The following PPP3R1 variants were observed in gnomAD, a reference collection of about 807,000 sequenced individuals.
PPP3R1 encodes the protein calcineurin subunit B type 1.
A neutral mutation model predicts 22.6 loss-of-function variants in PPP3R1; 5 were observed. The ratio of observed to expected loss-of-function variants is 0.22; its 90% CI spans 0.12 to 0.46. The LOEUF is 0.46. Ranked by LOEUF, PPP3R1 falls within the 20% of genes least tolerant of loss-of-function variation. PPP3R1 has a pLI of 0.99. For synonymous variants in PPP3R1, 56 were observed against 65.2 expected (o/e 0.86, Z 0.68); for missense variants, 61 against 203.2 (o/e 0.30, Z 4.25).
At chr2:68,183,279 G>A (rs907527815) in intron 5 of PPP3R1, among the ~76,000 whole-genome samples, 5 of 152,188 alleles carry the variant, frequency 3.3e-5, no homozygotes, top group African/African-American at 9.7e-5. Context: ...TTCCCACACT[G>A]CTACTAAGAA....
At chr2:68,240,089 T>C (rs995719166) in intron 1 of PPP3R1, among the ~76,000 whole-genome samples, 2 of 152,196 alleles carry the variant, frequency 1.3e-5, no homozygotes, top group African/African-American at 4.8e-5. Context: ...TTCAACGCAT[T>C]TTCAACTTAC....
intron 1 of PPP3R1, among the ~76,000 whole-genome samples, chr2:68,235,376 C>T (rs1307625439): frequency 2.0e-5 from 3 of 152,170 alleles, no homozygotes; most frequent in African/African-American, 7.2e-5. Flanking sequence ...CCAACTCCCC[C>T]TCAGGCCAGC....
At chr2:68,218,854 G>A (rs1669630698) in intron 1 of PPP3R1, among the ~76,000 whole-genome samples, 2 of 151,858 alleles carry the variant, frequency 1.3e-5, no homozygotes, top group African/African-American at 4.8e-5. Flanking sequence ...CCTTTACAGT[G>A]TTATCAATTC....
chr2:68,222,897 TAAG>T (rs1413191388), intron 1 of PPP3R1, among the ~76,000 whole-genome samples: 1 of 152,100 alleles, frequency 6.6e-6, no homozygotes, highest in African/African-American at 2.4e-5. Flanking sequence ...AAGTAAATAG[TAAG>T]AAGGCAGATT....
chr2:68,235,551 T>C (rs1318003162), intron 1 of PPP3R1, among the ~76,000 whole-genome samples: 1 of 152,230 alleles, frequency 6.6e-6, no homozygotes, highest in Non-Finnish European at 1.5e-5. Flanking sequence ...CACTTCTTTT[T>C]ACTAATGAAC....
At chr2:68,235,803 A>G (rs545988782) in intron 1 of PPP3R1, among the ~76,000 whole-genome samples, 1 of 152,334 alleles carries the variant, frequency 6.6e-6, no homozygotes, top group South Asian at 2.1e-4. Flanking sequence ...AAACATTTAC[A>G]TTCCCACCAG....
intron 2 of PPP3R1, among the ~76,000 whole-genome samples, chr2:68,198,890 T>C (rs1315055783): frequency 6.6e-6 from 1 of 152,200 alleles, no homozygotes; most frequent in East Asian, 1.9e-4. Flanking sequence ...TTTACACATA[T>C]CTGGTTAAAC....
chr2:68,252,048 C>CG, intron 1 of PPP3R1, 77 bp downstream of exon 1: 2 of 1,308,558 alleles, frequency 1.5e-6, no homozygotes, highest in African/African-American at 1.5e-5. Context: ...CCGGGGGCGT[C>CG]GGGGCTCGCC....
chr2:68,244,079 GA>G (rs1431484142), intron 1 of PPP3R1, among the ~76,000 whole-genome samples: 1 of 151,736 alleles, frequency 6.6e-6, no homozygotes, highest in Non-Finnish European at 1.5e-5. Flanking sequence ...GAACTTTAGG[GA>G]AAAAAAATTA....
intron 2 of PPP3R1, among the ~76,000 whole-genome samples, chr2:68,213,155 A>G (rs190751238): frequency 2.6e-5 from 4 of 152,328 alleles, no homozygotes; most frequent in Non-Finnish European, 4.4e-5. Flanking sequence ...AGTTAGCACT[A>G]TTAATTTCCT....
At chr2:68,246,335 A>T (rs1670236834) in intron 1 of PPP3R1, among the ~76,000 whole-genome samples, 2 of 151,812 alleles carry the variant, frequency 1.3e-5, no homozygotes, top group Admixed American at 6.6e-5. Context: ...AGCCTCCCAA[A>T]GTGCTGGGAT....
At chr2:68,246,302 C>A (rs370446622) in intron 1 of PPP3R1, among the ~76,000 whole-genome samples, 1 of 151,630 alleles carries the variant, frequency 6.6e-6, no homozygotes, top group Admixed American at 6.6e-5. Context: ...CTCTAACTCC[C>A]GACCTCATGA....
chr2:68,184,233 T>A (rs373630453), intron 5 of PPP3R1, among the ~76,000 whole-genome samples: 4 of 152,198 alleles, frequency 2.6e-5, no homozygotes, highest in African/African-American at 9.6e-5. Context: ...TAGCCTCACT[T>A]TCATCCTCAC....
chr2:68,208,492 G>A (rs1169308985), intron 2 of PPP3R1, among the ~76,000 whole-genome samples: 1 of 152,190 alleles, frequency 6.6e-6, no homozygotes, highest in Non-Finnish European at 1.5e-5. Flanking sequence ...AAAACTGCTG[G>A]CAAGCAGCAG....
intron 2 of PPP3R1, among the ~76,000 whole-genome samples, chr2:68,194,134 T>G (rs1331894242): frequency 6.6e-6 from 1 of 152,104 alleles, no homozygotes; most frequent in Admixed American, 6.5e-5. Flanking sequence ...GACAAAATAT[T>G]AAAATAATCT....
chr2:68,224,884 T>C (rs1669754433), intron 1 of PPP3R1, among the ~76,000 whole-genome samples: 1 of 152,084 alleles, frequency 6.6e-6, no homozygotes, highest in African/African-American at 2.4e-5. Flanking sequence ...AAGACTTGAA[T>C]AGATATTTCA....
In PPP3R1 at chr2:68,197,967, AATAT is replaced by A. The variant is rs531638541; in HGVS notation, c.44-9281_44-9278del. ...TATGACCTACGTTATATGCCTTTTA[AATAT>A]ATGATACATATAGAAAAATAATGAC... On this transcript the variant is annotated intron_variant, in intron 2 of 5. Coordinates refer to ENST00000234310, the MANE Select transcript of PPP3R1 (RefSeq NM_000945.4). Among the ~76,000 whole-genome samples the A allele has an allele frequency of 8.1e-4, 122 of 150,116 alleles. 1 individual carries two copies. Among genetic ancestry groups the A allele is most frequent in the African/African-American group, 2.9e-3 (119 of 40,902 alleles).
At position 68,180,788 on chromosome 2, in the gene PPP3R1, A is replaced by T. The variant is rs935195151; in HGVS notation, c.*175T>A. The T allele has an allele frequency of 3.2e-6, 2 of 623,798 alleles. No individual in the cohort carries two copies. The highest frequency in any genetic ancestry group is 5.6e-6 in the Non-Finnish European group (2 of 354,294). The allele number at this position is 623,798 out of a possible 1,614,324, so 38.6% of individuals were successfully genotyped here. ...TAAAGTGCTACACTGAGTTATTGAG[A>T]GAATTACAGTTCAATAACACTTAGT... On this transcript the variant is annotated 3_prime_UTR_variant, in exon 6 of 6. Coordinates refer to ENST00000234310, the MANE Select transcript of PPP3R1 (RefSeq NM_000945.4).
chr2:68,238,067 T>C (rs541223735), intron 1 of PPP3R1, among the ~76,000 whole-genome samples: 4 of 152,258 alleles, frequency 2.6e-5, no homozygotes, highest in African/African-American at 9.6e-5. Flanking sequence ...GCTCTCCTAT[T>C]TGTGCCTAAC....
Sources: allele counts gnomAD v4.1 joint callset (sites outside exome capture counted in the v4.1 genomes callset), GRCh38; gene constraint gnomAD v4.1.1; transcripts MANE v1.5; gene names NCBI Gene and HGNC (gene_info 2026-07-23, HGNC 2026-07-21).